SRP19: variants seen among roughly 807,000 people sequenced by gnomAD.
SRP19 encodes the protein signal recognition particle 19.
In SRP19, 11 loss-of-function variants were observed where a neutral mutation model predicts 22.4. That is an observed-to-expected ratio of 0.49 (90% CI 0.31 to 0.81). The LOEUF is 0.81. SRP19 is among the 40% of genes least tolerant of loss of function. The probability of loss-of-function intolerance (pLI) is 0.05; values close to 1 mark genes in which losing one functional copy is unlikely to be tolerated. For synonymous variants in SRP19, 61 were observed against 57.6 expected (o/e 1.06, Z -0.27); for missense variants, 168 against 175.9 (o/e 0.96, Z 0.25).
downstream of SRP19, among the ~76,000 whole-genome samples, chr5:112,874,004 A>T (rs1767839809): frequency 6.6e-6 from 1 of 151,824 alleles, no homozygotes; most frequent in African/African-American, 2.4e-5. Flanking sequence ...TCTCTACAAA[A>T]AAAAATAAAA....
intron 4 of SRP19, chr5:112,878,950 G>C (rs145897030): frequency 2.7e-6 from 4 of 1,506,572 alleles, no homozygotes; most frequent in Non-Finnish European, 3.6e-6. Flanking sequence ...GATGACTCAT[G>C]TTCAGGTGCG....
intron 4 of SRP19, among the ~76,000 whole-genome samples, chr5:112,889,828 A>AT (rs1768378526): frequency 7.7e-6 from 1 of 129,612 alleles, no homozygotes. Context: ...GGAAAAAAAA[A>AT]ATTTTTTTTT....
At chr5:112,864,331 T>A (rs351768) in intron 2 of SRP19, 126 bp from the exon 3 acceptor site, 405,008 of 774,686 alleles carry the variant, frequency 0.52, 111,562 homozygotes, top group East Asian at 0.7. Flanking sequence ...CATCTGTACT[T>A]AATGAAAAAG....
chr5:112,864,386 T>A, intron 2 of SRP19, 71 bp from the exon 3 acceptor site: 1 of 1,312,390 alleles, frequency 7.6e-7, no homozygotes, highest in South Asian at 1.2e-5. Context: ...TATTTGAAAT[T>A]ATTTACCCAA....
At chr5:112,891,598 C>T in intron 4 of SRP19, 1 of 1,561,542 alleles carries the variant, frequency 6.4e-7, no homozygotes, top group Non-Finnish European at 8.7e-7. Context: ...CATATATTCC[C>T]ATAGGTTAAG....
chr5:112,895,913 A>G (rs1203408076), downstream of SRP19: 1 of 152,170 alleles, frequency 6.6e-6, no homozygotes, highest in Non-Finnish European at 1.5e-5. Flanking sequence ...AGTCCATGCT[A>G]TTTTAACTGG....
chr5:112,876,004 A>G (rs1767885210), intron 4 of SRP19, among the ~76,000 whole-genome samples: 1 of 150,960 alleles, frequency 6.6e-6, no homozygotes, highest in African/African-American at 2.4e-5. Flanking sequence ...ACTGCACTCC[A>G]GCCTGGGTGA....
At chr5:112,877,405 G>A (rs1254198247) in intron 4 of SRP19, 2 of 152,116 alleles carry the variant, frequency 1.3e-5, no homozygotes, top group African/African-American at 4.8e-5. Context: ...TTAACAGTAT[G>A]GTGTAAAACT....
At chr5:112,886,284 A>C (rs1028575259) in intron 4 of SRP19, among the ~76,000 whole-genome samples, 8 of 152,200 alleles carry the variant, frequency 5.3e-5, no homozygotes, top group African/African-American at 1.9e-4. Context: ...CCAGCAGTCC[A>C]AGGTATTCGA....
intron 4 of SRP19, among the ~76,000 whole-genome samples, chr5:112,884,338 G>A (rs1768165689): frequency 1.3e-5 from 2 of 151,274 alleles, no homozygotes; most frequent in Admixed American, 6.6e-5. Context: ...TGTATATGCA[G>A]CTCATTCTAA....
At chr5:112,898,033 T>C (rs1306827636), downstream of SRP19, 2 of 152,262 alleles carry the variant, frequency 1.3e-5, no homozygotes, top group African/African-American at 4.8e-5. Context: ...CACTCCAGCC[T>C]GGGTGACAGA....
At chr5:112,866,089 C>T (rs77910141) in intron 4 of SRP19, among the ~76,000 whole-genome samples, 10,700 of 151,252 alleles carry the variant, frequency 0.071, 435 homozygotes, top group South Asian at 0.14. Context: ...TGCAGTGGCA[C>T]GATTATGGCA....
chr5:112,866,451 A>G (rs771290163), intron 4 of SRP19, among the ~76,000 whole-genome samples: 6 of 152,020 alleles, frequency 3.9e-5, no homozygotes, highest in Non-Finnish European at 7.4e-5. Context: ...GGCTCAAGCA[A>G]CCCTCCTGCC....
In SRP19 at chr5:112,868,768, T is replaced by C. The variant is rs1767688574; in HGVS notation, c.*1231T>C. 6.6e-6 allele frequency: 1 copy of C among 152,146 alleles called. No homozygotes were observed. The highest frequency in any genetic ancestry group is 1.5e-5 in the Non-Finnish European group (1 of 68,020). 9.4% of individuals were successfully genotyped at this position (152,146 alleles called of 1,614,324 possible). ...TGTAAAATAAGCAAACCTAGAGTTG[T>C]GGAGATTTATATGTATTTATTTATT... is the stretch of plus-strand genomic sequence containing the variant. On this transcript the variant is annotated 3_prime_UTR_variant, in exon 5 of 5. Transcript: ENST00000505459.
At chr5:112,874,086 A>C (rs1767842167), downstream of SRP19, among the ~76,000 whole-genome samples, 1 of 152,178 alleles carries the variant, frequency 6.6e-6, no homozygotes, top group Non-Finnish European at 1.5e-5. Context: ...GAATAGCTTG[A>C]GCCCAGGAAA....
intron 4 of SRP19, among the ~76,000 whole-genome samples, chr5:112,886,472 A>C (rs1768249579): frequency 1.3e-5 from 2 of 152,142 alleles, no homozygotes; most frequent in Admixed American, 6.5e-5. Flanking sequence ...GCTTGTCTCT[A>C]GTTTTAGGTC....
intron 1 of SRP19, 128 bp downstream of exon 1, chr5:112,861,545 C>G (rs1265987828): frequency 2.1e-6 from 2 of 962,338 alleles, no homozygotes; most frequent in Non-Finnish European, 3.1e-6. Flanking sequence ...CTGTACGGGC[C>G]CCGCGCCTCT....
chr5:112,878,757 G>A (rs1166058789), intron 4 of SRP19: 2 of 1,613,746 alleles, frequency 1.2e-6, no homozygotes, highest in African/African-American at 2.7e-5. Context: ...AAGGTACAGA[G>A]AGGGCAGGAA....
rs766641032 is a variant in SRP19 at position 112,887,093 on chromosome 5, G to A, written c.302-4510G>A. ...ACCACACTGTCCATCTGGGACTCGT[G>A]CTTCAGGAAGAAAGGACGGATGATG... On this transcript the variant is annotated intron_variant, in intron 4 of 4. Coordinates refer to the SRP19 transcript ENST00000391338. The A allele has an allele frequency of 5.0e-6, 8 of 1,613,608 alleles. No homozygotes were observed. In the Admixed American group the frequency reaches 1.3e-4, roughly 27 times the overall value.
Sources: allele counts gnomAD v4.1 joint callset (sites outside exome capture counted in the v4.1 genomes callset), GRCh38; gene constraint gnomAD v4.1.1; transcripts MANE v1.5; gene names NCBI Gene and HGNC (gene_info 2026-07-23, HGNC 2026-07-21).